The following HSD17B12 variants were observed in gnomAD, a reference collection of about 807,000 sequenced individuals.
The protein encoded by HSD17B12 is very-long-chain 3-oxoacyl-CoA reductase.
In HSD17B12, 32 loss-of-function variants were observed where a neutral mutation model predicts 39.3. The ratio of observed to expected loss-of-function variants is 0.81; its 90% CI spans 0.61 to 1.09. The LOEUF is 1.09. HSD17B12 is among the 50% of genes least tolerant of loss of function. HSD17B12 has a pLI of 0.00. For missense variants in HSD17B12, 342 were observed against 382.9 expected (o/e 0.89, Z 0.89); for synonymous variants, 150 against 146.7 (o/e 1.02, Z -0.16).
the HSD17B12 span, among the ~76,000 whole-genome samples, chr11:43,631,619 C>G: frequency 1.4e-3 from 208 of 150,288 alleles, 3 homozygotes; most frequent in East Asian, 0.03. Context: ...GTCTCTCTCT[C>G]TCTGTCTGTC....
intron 1 of HSD17B12, among the ~76,000 whole-genome samples, chr11:43,717,960 A>G (rs1229274780): frequency 6.6e-6 from 1 of 151,960 alleles, no homozygotes; most frequent in Non-Finnish European, 1.5e-5. Context: ...ATGTGCCACC[A>G]TACCCAGCTC....
At chr11:43,641,568 T>A in the HSD17B12 span, among the ~76,000 whole-genome samples, 1 of 151,988 alleles carries the variant, frequency 6.6e-6, no homozygotes, top group Non-Finnish European at 1.5e-5. Flanking sequence ...ACTCACATGC[T>A]GGGAAAATAT....
the HSD17B12 span, among the ~76,000 whole-genome samples, chr11:43,587,211 T>C: frequency 6.6e-6 from 1 of 152,214 alleles, no homozygotes; most frequent in Non-Finnish European, 1.5e-5. Context: ...TTTATTGAGT[T>C]TCTGCACTAT....
At chr11:43,778,749 A>C (rs1393236463) in intron 3 of HSD17B12, among the ~76,000 whole-genome samples, 1 of 151,950 alleles carries the variant, frequency 6.6e-6, no homozygotes, top group Non-Finnish European at 1.5e-5. Flanking sequence ...TGATTATCTC[A>C]ATAGATGCAG....
At chr11:43,647,613 T>A in the HSD17B12 span, among the ~76,000 whole-genome samples, 2 of 152,110 alleles carry the variant, frequency 1.3e-5, no homozygotes, top group African/African-American at 4.8e-5. Flanking sequence ...TTGTGAACAT[T>A]TGTAAGGGTA....
chr11:43,823,767 T>C (rs1951205554), intron 6 of HSD17B12, among the ~76,000 whole-genome samples: 1 of 152,106 alleles, frequency 6.6e-6, no homozygotes, highest in Non-Finnish European at 1.5e-5. Context: ...AAACAGAAAA[T>C]TCTGAACTGA....
intron 3 of HSD17B12, among the ~76,000 whole-genome samples, chr11:43,761,013 T>C (rs1260259982): frequency 6.6e-6 from 1 of 152,222 alleles, no homozygotes; most frequent in African/African-American, 2.4e-5. Context: ...TTTGTCAATG[T>C]TCCTGGCCTT....
the HSD17B12 span, among the ~76,000 whole-genome samples, chr11:43,647,974 AG>A: frequency 6.6e-6 from 1 of 152,190 alleles, no homozygotes; most frequent in Non-Finnish European, 1.5e-5. Context: ...TTTTATGGGT[AG>A]GACAGAGCAA....
At chr11:43,839,042 G>A (rs970415461) in intron 8 of HSD17B12, among the ~76,000 whole-genome samples, 1 of 152,174 alleles carries the variant, frequency 6.6e-6, no homozygotes, top group African/African-American at 2.4e-5. Flanking sequence ...CAGGTCAATG[G>A]CGTCATCTTC....
the HSD17B12 span, among the ~76,000 whole-genome samples, chr11:43,565,680 C>A: frequency 6.6e-6 from 1 of 152,248 alleles, no homozygotes. Flanking sequence ...TCTTATAGCT[C>A]ATTCCCAAAT....
the HSD17B12 span, among the ~76,000 whole-genome samples, chr11:43,575,211 G>A: frequency 8.3e-4 from 127 of 152,346 alleles, no homozygotes; most frequent in African/African-American, 2.8e-3. This position sits in a 1 kb window ranked among gnomAD's most constrained non-coding sequence, Gnocchi z 4.1. Flanking sequence ...TGCTCTCTGG[G>A]AAGCTGTATA....
chr11:43,844,687 G>A (rs2135137029), intron 9 of HSD17B12, among the ~76,000 whole-genome samples: 1 of 152,264 alleles, frequency 6.6e-6, no homozygotes, highest in African/African-American at 2.4e-5. Flanking sequence ...AGTTAATACT[G>A]AGCAAGCAGG....
intron 3 of HSD17B12, among the ~76,000 whole-genome samples, chr11:43,766,217 G>A (rs942678014): frequency 3.3e-5 from 5 of 151,920 alleles, no homozygotes; most frequent in Admixed American, 6.6e-5. Context: ...TTTTGTCTAC[G>A]AGTTCCTCAA....
chr11:43,716,935 A>G (rs1950129391), intron 1 of HSD17B12, among the ~76,000 whole-genome samples: 1 of 151,888 alleles, frequency 6.6e-6, no homozygotes, highest in Non-Finnish European at 1.5e-5. Context: ...GAATAAATTT[A>G]GTAAATAGAA....
chr11:43,815,609 G>C (rs889687155), intron 5 of HSD17B12, 108 bp downstream of exon 5: 2 of 614,878 alleles, frequency 3.3e-6, no homozygotes, highest in Admixed American at 2.3e-5. Flanking sequence ...TCACACGCTG[G>C]CTCTTCTGTT....
At chr11:43,810,399 ATAT>A (rs1326377752) in intron 4 of HSD17B12, among the ~76,000 whole-genome samples, 12 of 75,662 alleles carry the variant, frequency 1.6e-4, no homozygotes, top group African/African-American at 6.9e-4. Flanking sequence ...ATATATATAT[ATAT>A]AAAATTCAGA....
At chr11:43,718,558 A>G (rs567290660) in intron 1 of HSD17B12, 1 of 429,086 alleles carries the variant, frequency 2.3e-6, no homozygotes, top group East Asian at 4.3e-5. Flanking sequence ...GCTCTCATTT[A>G]AAAAGAGGAA....
In HSD17B12 at chr11:43,705,275, A is replaced by G. The variant is rs374972173; in HGVS notation, c.160+24288A>G. ...AAATTATTTTAGTGCCCAGGTTTATACTTTATAAAACCAAAGAGTAGAGGT... is the reference window on the plus strand; with the variant it reads ...AAATTATTTTAGTGCCCAGGTTTATGCTTTATAAAACCAAAGAGTAGAGGT... On this transcript the variant is annotated intron_variant, in intron 1 of 10. Coordinates refer to ENST00000278353, the MANE Select transcript of HSD17B12 (RefSeq NM_016142.3). 1.3e-4 allele frequency among the ~76,000 whole-genome samples: 20 copies of G among 152,348 alleles called. No homozygotes were observed. In the East Asian group the frequency reaches 3.7e-3, roughly 28 times the overall value.
At chr11:43,680,489 C>T, upstream of HSD17B12, 4 of 346,490 alleles carry the variant, frequency 1.2e-5, no homozygotes, top group South Asian at 1.1e-4. Context: ...GCGCAGTCTT[C>T]CGCAGTCGCG....
Sources: allele counts gnomAD v4.1 joint callset (sites outside exome capture counted in the v4.1 genomes callset), GRCh38; gene constraint gnomAD v4.1.1; non-coding constraint Gnocchi (gnomAD v3.1); transcripts MANE v1.5; gene names NCBI Gene and HGNC (gene_info 2026-07-23, HGNC 2026-07-21).